The following ZFHX4 variants were observed in gnomAD, a reference collection of about 807,000 sequenced individuals.
ZFHX4 encodes zinc finger homeobox protein 4.
A neutral mutation model predicts 267.6 loss-of-function variants in ZFHX4; 56 were observed. That is an observed-to-expected ratio of 0.21 (90% CI 0.17 to 0.26). The LOEUF is 0.26. ZFHX4 is among the 10% of genes least tolerant of loss of function. The pLI is 1.00. For synonymous variants in ZFHX4, 1,778 were observed against 1,665.6 expected, an observed-to-expected ratio of 1.07 and a Z score of -1.64; for missense variants, 4,332 against 4,420.0, an observed-to-expected ratio of 0.98 and a Z score of 0.56.
chr8:76,852,744 A>G lies in ZFHX4; in HGVS notation c.5823A>G (p.Glu1941=). The G allele has an allele frequency of 6.2e-7, 1 of 1,613,758 alleles. No homozygotes were observed. Among genetic ancestry groups the G allele is most frequent in the African/African-American group, 1.3e-5 (1 of 75,050 alleles). ...VQKKGKSGEG[E]NTDKLECGTC... is the part of the protein sequence containing the mutation. ...AGAAGGGCAAAAGTGGTGAAGGCGA[A>G]AACACTGACAAACTAGAATGTGGAA... The change falls in exon 10 of 11, where the codon GAA becomes GAG. Residue 1941 remains glutamate (E), a synonymous_variant. Coordinates refer to ENST00000651372, the MANE Select transcript of ZFHX4 (RefSeq NM_024721.5).
chr8:76,788,826 T>C lies in ZFHX4; in HGVS notation c.3325+10387T>C, dbSNP rs59016438. 5.2e-3 allele frequency among the ~76,000 whole-genome samples: 791 copies of C among 152,328 alleles called. 6 individuals are homozygous for C. The highest frequency in any genetic ancestry group is 0.018 in the African/African-American group (768 of 41,582). ...TATTTTAAAGTGCAGGTCTGGGGTC[T>C]GGGCCATACTAAGTAAATTGTTTAA... On this transcript the variant is annotated intron_variant, in intron 4 of 10. Coordinates refer to ENST00000651372, the MANE Select transcript of ZFHX4 (RefSeq NM_024721.5).
rs1046420053 is a variant in ZFHX4 at position 76,851,219 on chromosome 8, G to C, written c.4298G>C (p.Ser1433Thr). The C allele has an allele frequency of 6.2e-7, 1 of 1,613,870 alleles. No homozygotes were observed. ...AATMCNLCQR[S>T]FRTFQALKKH... The stretch of plus-strand genomic sequence containing the variant: ...ACAATGTGTAACCTCTGCCAGCGCA[G>C]TTTCCGTACATTCCAGGCTTTAAAA... The change falls in exon 10 of 11, where the codon AGT (serine) becomes ACT (threonine). Residue 1433 changes from serine (S) to threonine (T), a missense_variant. By Grantham distance (58) the Ser-to-Thr change is moderately conservative. Coordinates refer to ENST00000651372, the MANE Select transcript of ZFHX4 (RefSeq NM_024721.5).
chr8:76,837,305 G>A lies in ZFHX4; in HGVS notation c.3394+3899G>A, dbSNP rs886766726. Among the ~76,000 whole-genome samples the A allele has an allele frequency of 3.9e-5, 6 of 152,072 alleles. 1 individual carries two copies. Among genetic ancestry groups the A allele is most frequent in the African/African-American group, 9.7e-5 (4 of 41,408 alleles). ...TGCAATAAAATCCAAAGAGAGGCACGATTTTCCAGAAGAAGGGAAGAGTAA... is the reference window on the plus strand; with the variant it reads ...TGCAATAAAATCCAAAGAGAGGCACAATTTTCCAGAAGAAGGGAAGAGTAA... On this transcript the variant is annotated intron_variant, in intron 5 of 10. Transcript: ENST00000651372.
chr8:76,827,540 T>A (rs1204783768), intron 4 of ZFHX4, among the ~76,000 whole-genome samples: 1 of 152,024 alleles, frequency 6.6e-6, no homozygotes, highest in Non-Finnish European at 1.5e-5. Context: ...CAATCAGAAA[T>A]GAAATAGATT....
intron 3 of ZFHX4, among the ~76,000 whole-genome samples, chr8:76,744,151 G>A (rs1488287230): frequency 6.6e-6 from 1 of 152,010 alleles, no homozygotes; most frequent in East Asian, 2.0e-4. Flanking sequence ...TTCGAGACCA[G>A]CCTGACCAAT....
chr8:76,792,571 A>C (rs1385537427), intron 4 of ZFHX4, among the ~76,000 whole-genome samples: 1 of 152,204 alleles, frequency 6.6e-6, no homozygotes, highest in African/African-American at 2.4e-5. Flanking sequence ...ACAAGATCAT[A>C]TGTTTCTTGG....
chr8:76,756,315 A>G (rs147996672), intron 3 of ZFHX4, among the ~76,000 whole-genome samples: 1 of 152,208 alleles, frequency 6.6e-6, no homozygotes, highest in East Asian at 1.9e-4. Context: ...TTTCCTCCCA[A>G]CTATTGAATA....
chr8:76,751,264 C>G (rs1054582808), intron 3 of ZFHX4, among the ~76,000 whole-genome samples: 1 of 151,964 alleles, frequency 6.6e-6, no homozygotes, highest in Admixed American at 6.6e-5. Flanking sequence ...TAATATTTAC[C>G]AAAGAACTGA....
intron 1 of ZFHX4, among the ~76,000 whole-genome samples, chr8:76,681,974 T>C (rs2131565398): frequency 6.6e-6 from 1 of 152,312 alleles, no homozygotes; most frequent in East Asian, 1.9e-4. Flanking sequence ...TGGCGGAGGA[T>C]CATCTACGTT....
At chr8:76,729,348 T>TCCTG (rs1808937725) in intron 3 of ZFHX4, among the ~76,000 whole-genome samples, 1 of 152,166 alleles carries the variant, frequency 6.6e-6, no homozygotes, top group Non-Finnish European at 1.5e-5. Context: ...GAAACGATGG[T>TCCTG]CCTGCTCGAA....
chr8:76,821,832 C>T (rs1186855073), intron 4 of ZFHX4, among the ~76,000 whole-genome samples: 1 of 152,118 alleles, frequency 6.6e-6, no homozygotes, highest in African/African-American at 2.4e-5. Context: ...CTACAGTGCC[C>T]CCAGCTTTGG....
Position 76,692,212 on chromosome 8 carries a change from T to C in ZFHX4, c.-47+10592T>C, listed in dbSNP as rs528635733. ...TAATTCAGACCTTAGTCTATCCACA[T>C]GAACTCAAGATTCCAGACACTCCAT... On this transcript the variant is annotated intron_variant, in intron 1 of 10. Coordinates refer to ENST00000651372, the MANE Select transcript of ZFHX4 (RefSeq NM_024721.5). 3.3e-5 allele frequency among the ~76,000 whole-genome samples: 5 copies of C among 152,198 alleles called. No individual in the cohort carries two copies. The South Asian group carries it at 1.0e-3, about 32-fold the overall frequency.
intron 10 of ZFHX4, among the ~76,000 whole-genome samples, chr8:76,862,498 G>A (rs186508001): frequency 6.0e-4 from 91 of 152,242 alleles, no homozygotes; most frequent in Middle Eastern, 3.4e-3. Context: ...CTCTGACTTC[G>A]CTGCTGTTTG....
chr8:76,815,956 T>C (rs1201522746), intron 4 of ZFHX4, among the ~76,000 whole-genome samples: 2 of 152,240 alleles, frequency 1.3e-5, no homozygotes, highest in African/African-American at 4.8e-5. Flanking sequence ...GGTGAATTAC[T>C]GTCCAGTCTT....
intron 3 of ZFHX4, among the ~76,000 whole-genome samples, chr8:76,775,802 A>G (rs538816364): frequency 1.3e-5 from 2 of 151,700 alleles, no homozygotes; most frequent in South Asian, 2.1e-4. Flanking sequence ...GGCACACTTG[A>G]TATGCTTGGC....
At chr8:76,780,166 T>G (rs1284910249) in intron 4 of ZFHX4, among the ~76,000 whole-genome samples, 2 of 152,176 alleles carry the variant, frequency 1.3e-5, no homozygotes, top group Non-Finnish European at 2.9e-5. Flanking sequence ...AGCCAACCTT[T>G]ACTTATAGCA....
intron 3 of ZFHX4, among the ~76,000 whole-genome samples, chr8:76,747,351 G>A (rs889928482): frequency 1.1e-4 from 16 of 152,094 alleles, no homozygotes; most frequent in Non-Finnish European, 2.4e-4. Context: ...CTGGGGTTCG[G>A]AGTACAAATG....
chr8:76,793,256 G>GA (rs1181905067), intron 4 of ZFHX4, among the ~76,000 whole-genome samples: 173 of 149,876 alleles, frequency 1.2e-3, no homozygotes, highest in African/African-American at 3.6e-3. Context: ...TGTCTTTAAG[G>GA]AAAAAAAAAG....
Position 76,807,557 on chromosome 8 carries a change from A to C in ZFHX4, c.3326-25781A>C, listed in dbSNP as rs149461122. Among the ~76,000 whole-genome samples, 3 of 152,212 alleles carry C rather than the reference A, an allele frequency of 2.0e-5. No individual in the cohort carries two copies. The East Asian group carries it at 5.8e-4, about 30-fold the overall frequency. ...AATATGAGGACAAGACAATTGGGCTATAAGAGAGGTAGTATAGGCTGGGGA... is the reference window on the plus strand; with the variant it reads ...AATATGAGGACAAGACAATTGGGCTCTAAGAGAGGTAGTATAGGCTGGGGA... On this transcript the variant is annotated intron_variant, in intron 4 of 10. Coordinates refer to ENST00000651372, the MANE Select transcript of ZFHX4 (RefSeq NM_024721.5).
Sources: allele counts gnomAD v4.1 joint callset (sites outside exome capture counted in the v4.1 genomes callset), GRCh38; gene constraint gnomAD v4.1.1; transcripts MANE v1.5; gene names NCBI Gene and HGNC (gene_info 2026-07-23, HGNC 2026-07-21).